VWA5B2: variants seen among roughly 807,000 people sequenced by gnomAD.
VWA5B2 encodes von Willebrand factor A domain containing 5B2.
In VWA5B2, 93 loss-of-function variants were observed where a neutral mutation model predicts 118.5. The ratio of observed to expected loss-of-function variants is 0.79; its 90% CI spans 0.66 to 0.93. The LOEUF (loss-of-function observed/expected upper bound fraction) is 0.93, where lower values mean the gene tolerates loss of function less well. Ranked by LOEUF, VWA5B2 falls within the 40% of genes least tolerant of loss-of-function variation. The pLI is 0.00. For missense variants in VWA5B2, 1,546 were observed against 1,672.8 expected (o/e 0.92, Z 1.32); for synonymous variants, 708 against 716.3 (o/e 0.99, Z 0.19).
chr3:184,236,810 C>T, intron 11 of VWA5B2, 61 bp downstream of exon 11: 4 of 1,375,078 alleles, frequency 2.9e-6, no homozygotes, highest in Middle Eastern at 1.8e-4. Flanking sequence ...AGTTACACAT[C>T]AAGTCTGAAA....
Position 184,233,576 on chromosome 3 carries a change from C to A in VWA5B2, c.531C>A (p.Ser177Arg). The A allele has an allele frequency of 6.5e-7, 1 of 1,550,130 alleles. No homozygotes were observed. Among genetic ancestry groups the A allele is most frequent in the Non-Finnish European group, 8.7e-7 (1 of 1,146,500 alleles). ...PPRPPGLCDD[S>R]PTSCFGVGSL... is the part of the protein sequence containing the mutation. ...TGACCCTCCTCATGCTCCCTTCCAG[C>A]CCCACCAGCTGCTTCGGGGTGGGCA... Residue 177 changes from serine to arginine, a missense_variant and splice_region_variant, in exon 5 of 20, where the codon AGC becomes AGA. Physicochemically the swap from Ser to Arg is moderately radical, Grantham distance 110 (BLOSUM62 -1). Around this residue, in one of 3 missense-constraint regions of VWA5B2, gnomAD observed 775 missense variants for 882.3 expected, o/e 0.88. Coordinates refer to ENST00000691901, the MANE Select transcript of VWA5B2 (RefSeq NM_001390846.1). The surrounding 1 kb of genome is among the most constrained non-coding windows in gnomAD (Gnocchi z 5.2).
Position 184,237,220 on chromosome 3 carries a change from C to A in VWA5B2, c.1534-6C>A. 1.3e-6 allele frequency: 2 copies of A among 1,550,288 alleles called. No individual in the cohort carries two copies. The highest frequency in any genetic ancestry group is 1.4e-5 in the African/African-American group (1 of 73,126). ...CCCATGTCTTCCCTGTGGCCACTCC[C>A]CACAGCTGGTACAGGCTCTGCGGAA... On this transcript the variant is annotated splice_polypyrimidine_tract_variant and splice_region_variant and intron_variant, in intron 11 of 19. Transcript: ENST00000691901. This position sits in a 1 kb window ranked among gnomAD's most constrained non-coding sequence, Gnocchi z 5.6.
At chr3:184,235,020 T>C in intron 7 of VWA5B2, 133 bp from the exon 8 acceptor site, 1 of 1,227,600 alleles carries the variant, frequency 8.1e-7, no homozygotes, top group Non-Finnish European at 1.1e-6. Flanking sequence ...CCTGCCTTTA[T>C]TCGAATTACT....
chr3:184,237,974 G>A lies in VWA5B2; in HGVS notation c.1720-329G>A, dbSNP rs1344519866. On this transcript the variant is annotated intron_variant, in intron 12 of 19. Coordinates refer to ENST00000691901, the MANE Select transcript of VWA5B2 (RefSeq NM_001390846.1). This position sits in a 1 kb window ranked among gnomAD's most constrained non-coding sequence, Gnocchi z 5.6. ...TGGCAGAACACTTGACACAGTAGGA[G>A]CTGGGGACATGGTAGTTATTTTTTA... Among the ~76,000 whole-genome samples the A allele has an allele frequency of 6.6e-6, 1 of 152,164 alleles. No homozygotes were observed. Among genetic ancestry groups the A allele is most frequent in the Non-Finnish European group, 1.5e-5 (1 of 68,038 alleles).
intron 8 of VWA5B2, among the ~76,000 whole-genome samples, chr3:184,235,705 C>T (rs1437583341): frequency 6.6e-6 from 1 of 151,270 alleles, no homozygotes. Flanking sequence ...GAGTCCCACA[C>T]ACAGCCATGT....
At position 184,237,455 on chromosome 3, in the gene VWA5B2, G is replaced by A. The variant is rs751379753; in HGVS notation, c.1719+44G>A. 6.0e-4 allele frequency: 908 copies of A among 1,515,800 alleles called. 1 individual carries two copies. The highest frequency in any genetic ancestry group is 2.4e-3 in the Middle Eastern group (13 of 5,376). The allele number at this position is 1,515,800 out of a possible 1,614,324, so 93.9% of individuals were successfully genotyped here. A position where few individuals can be genotyped will look rare whatever the true frequency, so the allele number is the denominator to read the frequency against. On this transcript the variant is annotated intron_variant, in intron 12 of 19. Coordinates refer to ENST00000691901, the MANE Select transcript of VWA5B2 (RefSeq NM_001390846.1). The surrounding 1 kb of genome is among the most constrained non-coding windows in gnomAD (Gnocchi z 5.6). ...GTGGTAGGGGGGCTAGGGTGAGGTA[G>A]GGGGGCCTGGGATGGCTGAAGTCCC...
At chr3:184,231,009 C>T in intron 3 of VWA5B2, 92 bp downstream of exon 3, 1 of 1,192,142 alleles carries the variant, frequency 8.4e-7, no homozygotes. Context: ...CCCCGCCTTC[C>T]TCCGGGCACT....
Position 184,237,283 on chromosome 3 carries a change from T to A in VWA5B2, c.1591T>A (p.Trp531Arg). ...TGCTTTGAGTGACATCTCTGTGGAC[T>A]GGTTTGTGCCCGACACTGTGGAGGC... is the stretch of plus-strand genomic sequence containing the variant. ...EPALSDISVD[W>R]FVPDTVEALL... The change falls in exon 12 of 20, where the codon TGG (tryptophan) becomes AGG (arginine). Residue 531 changes from tryptophan (W) to arginine (R), a missense_variant. By Grantham distance (101) the Trp-to-Arg change is moderately radical. Transcript: ENST00000691901. This position sits in a 1 kb window ranked among gnomAD's most constrained non-coding sequence, Gnocchi z 5.6. The A allele has an allele frequency of 1.9e-6, 3 of 1,551,700 alleles. No homozygotes were observed. Among genetic ancestry groups the A allele is most frequent in the Non-Finnish European group, 2.6e-6 (3 of 1,147,030 alleles).
Position 184,233,379 on chromosome 3 carries a change from C to T in VWA5B2, c.512C>T (p.Pro171Leu), listed in dbSNP as rs971420680. 4 of 1,537,986 alleles carry T rather than the reference C, an allele frequency of 2.6e-6. No homozygotes were observed. Among genetic ancestry groups the T allele is most frequent in the African/African-American group, 2.8e-5 (2 of 72,574 alleles). ...PPGPPGPPRP[P>L]GLCDDSPTSC... is the part of the protein sequence containing the mutation. Reference sequence around the variant, plus strand: ...GGCCCGCCGGGGCCCCCCAGGCCTCCGGGGCTCTGTGACGACAGGTTGGGC... The same window carrying T: ...GGCCCGCCGGGGCCCCCCAGGCCTCTGGGGCTCTGTGACGACAGGTTGGGC... The change falls in exon 4 of 20, where the codon CCG (proline) becomes CTG (leucine). Residue 171 changes from proline to leucine, a missense_variant. By Grantham distance (98) the Pro-to-Leu change is moderately conservative. Coordinates refer to ENST00000691901, the MANE Select transcript of VWA5B2 (RefSeq NM_001390846.1). This position sits in a 1 kb window ranked among gnomAD's most constrained non-coding sequence, Gnocchi z 5.2.
At chr3:184,231,935 G>A (rs899888675) in intron 3 of VWA5B2, among the ~76,000 whole-genome samples, 5 of 152,202 alleles carry the variant, frequency 3.3e-5, no homozygotes, top group African/African-American at 1.2e-4. Flanking sequence ...GGTAGAGCCA[G>A]CATTTGACTG....
rs1345896676 is a variant in VWA5B2 at position 184,233,167 on chromosome 3, AC to A, written c.311-8del. The A allele has an allele frequency of 1.3e-6, 2 of 1,546,864 alleles. No individual in the cohort carries two copies. The highest frequency in any genetic ancestry group is 1.7e-6 in the Non-Finnish European group (2 of 1,145,226). ...CCAGCATGCTCTGACCCCATTTCTC[AC>A]CCATCATAGGTCATCTTGTCTTGGA... is the stretch of plus-strand genomic sequence containing the variant. On this transcript the variant is annotated splice_polypyrimidine_tract_variant and intron_variant, in intron 3 of 19. Coordinates refer to ENST00000691901, the MANE Select transcript of VWA5B2 (RefSeq NM_001390846.1). The surrounding 1 kb of genome is among the most constrained non-coding windows in gnomAD (Gnocchi z 5.2).
intron 5 of VWA5B2, 44 bp from the exon 6 acceptor site, chr3:184,234,222 G>A (rs1717715893): frequency 6.5e-7 from 1 of 1,543,188 alleles, no homozygotes; most frequent in African/African-American, 1.4e-5. Context: ...TCCCTGGGAA[G>A]GTGTTATGGC....
chr3:184,230,289 G>A, intron 1 of VWA5B2, 91 bp from the exon 2 acceptor site: 1 of 441,430 alleles, frequency 2.3e-6, no homozygotes, highest in Admixed American at 4.6e-5. Flanking sequence ...TTAACCCTCC[G>A]CGGCCCGGCT....
Position 184,233,492 on chromosome 3 carries a change from G to T in VWA5B2, c.531-84G>T, listed in dbSNP as rs1309563263. On this transcript the variant is annotated intron_variant, in intron 4 of 19. Transcript: ENST00000691901. This position sits in a 1 kb window ranked among gnomAD's most constrained non-coding sequence, Gnocchi z 5.2. ...TGGCAGGGTACCCAGGGATGGGAAG[G>T]GTGAGGAAGGGCTGGGGCCAGTCAG... is the stretch of plus-strand genomic sequence containing the variant. 3 of 1,511,418 alleles carry T rather than the reference G, an allele frequency of 2.0e-6. No individual in the cohort carries two copies. Among genetic ancestry groups the T allele is most frequent in the Admixed American group, 4.3e-5 (2 of 46,932 alleles). 93.6% of individuals were successfully genotyped at this position (1,511,418 alleles called of 1,614,324 possible). A position where few individuals can be genotyped will look rare whatever the true frequency, so the allele number is the denominator to read the frequency against.
At position 184,239,455 on chromosome 3, in the gene VWA5B2, G is replaced by A; in HGVS notation, c.2264G>A (p.Ser755Asn). The stretch of plus-strand genomic sequence containing the variant: ...CACAGAGCGGCTCTGGCTGGCCGAA[G>A]CCTCTCATCCCCTCCAGGCCGGGCA... ...RQHRAALAGR[S>N]LSSPPGRANQ... is the part of the protein sequence containing the mutation. The change falls in exon 15 of 20, where the codon AGC becomes AAC. Residue 755 changes from serine (S) to asparagine (N), a missense_variant. By Grantham distance (46) the Ser-to-Asn change is conservative (BLOSUM62 1). Coordinates refer to ENST00000691901, the MANE Select transcript of VWA5B2 (RefSeq NM_001390846.1). The surrounding 1 kb of genome is among the most constrained non-coding windows in gnomAD (Gnocchi z 5.1). The A allele has an allele frequency of 6.5e-7, 1 of 1,550,022 alleles. No individual in the cohort carries two copies. Among genetic ancestry groups the A allele is most frequent in the Non-Finnish European group, 8.7e-7 (1 of 1,146,494 alleles).
At position 184,241,279 on chromosome 3, in the gene VWA5B2, GGTCCTCGCCGCCCACCTCCCC is replaced by G; in HGVS notation, c.3062_3082del (p.Arg1021_Pro1027del). The G allele has an allele frequency of 6.4e-7, 1 of 1,551,408 alleles. No homozygotes were observed. The highest frequency in any genetic ancestry group is 1.2e-5 in the South Asian group (1 of 84,056). On this transcript the variant is annotated inframe_deletion, in exon 19 of 20. Transcript: ENST00000691901. The surrounding 1 kb of genome is among the most constrained non-coding windows in gnomAD (Gnocchi z 5.1). The stretch of plus-strand genomic sequence containing the variant: ...GGGGGACCCTGCCACTCCCACGGAA[GGTCCTCGCCGCCCACCTCCCC>G]GTCCTCCCTGTCGGCTCAGCATGGG...
intron 8 of VWA5B2, 124 bp from the exon 9 acceptor site, chr3:184,236,016 ACACCCAGGGCCT>A (rs1174346171): frequency 2.6e-6 from 2 of 777,472 alleles, no homozygotes; most frequent in Non-Finnish European, 4.2e-6. Context: ...ACTTTCCCTC[ACACCCAGGGCCT>A]CTCCCAGGTT....
Position 184,235,158 on chromosome 3 carries a change from G to T in VWA5B2, c.951G>T (p.Trp317Cys), listed in dbSNP as rs1239736113. Residue 317 changes from tryptophan to cysteine, a missense_variant, in exon 8 of 20, where the codon TGG (tryptophan) becomes TGT (cysteine). Transcript: ENST00000691901. ...RRDSDGDRQV[W>C]FLQRRFHKDI... ...CTTGGGACTCCCCCGCTCAGGTGTG[G>T]TTCCTGCAGCGACGCTTCCACAAGG... is the stretch of plus-strand genomic sequence containing the variant. 6.4e-7 allele frequency: 1 copy of T among 1,551,518 alleles called. No individual in the cohort carries two copies. The highest frequency in any genetic ancestry group is 1.2e-5 in the South Asian group (1 of 84,060).
intron 16 of VWA5B2, chr3:184,240,578 CA>C (rs1372752214): frequency 4.7e-6 from 3 of 640,774 alleles, no homozygotes; most frequent in South Asian, 4.7e-5. Flanking sequence ...TCTGGGCAGC[CA>C]GGGGGCTCTT....
Sources: gnomAD v4.1 joint callset for allele counts (sites outside exome capture counted in the v4.1 genomes callset) on GRCh38, gnomAD v4.1.1 for gene constraint, gnomAD v4.1.1 regional missense constraint, Gnocchi (gnomAD v3.1) non-coding constraint, MANE v1.5 for transcripts, NCBI Gene and HGNC (gene_info 2026-07-23, HGNC 2026-07-21) for gene names.